The following ITPR2 variants were observed in gnomAD, a reference collection of about 807,000 sequenced individuals.
ITPR2 encodes the protein inositol 1,4,5-trisphosphate receptor type 2.
A neutral mutation model predicts 317.1 loss-of-function variants in ITPR2; 207 were observed. The ratio of observed to expected loss-of-function variants is 0.65; its 90% CI spans 0.58 to 0.73. The LOEUF (loss-of-function observed/expected upper bound fraction) is 0.73, where lower values mean the gene tolerates loss of function less well. Ranked by LOEUF, ITPR2 falls within the 30% of genes least tolerant of loss-of-function variation. The pLI, the probability that ITPR2 is intolerant of heterozygous loss-of-function variation, is 0.00. For missense variants in ITPR2, 2,613 were observed against 3,284.0 expected (o/e 0.80, Z 4.99); for synonymous variants, 1,156 against 1,149.1 (o/e 1.01, Z -0.12).
chr12:26,580,194 A>G, intron 32 of ITPR2, 39 bp from the exon 33 acceptor site: 1 of 1,588,390 alleles, frequency 6.3e-7, no homozygotes, highest in Non-Finnish European at 8.6e-7. Context: ...GTTTTATCAC[A>G]TTTTTAAACC....
intron 44 of ITPR2, 127 bp from the exon 45 acceptor site, chr12:26,475,545 G>T (rs1253448780): frequency 7.3e-6 from 7 of 956,432 alleles, no homozygotes; most frequent in Non-Finnish European, 1.1e-5. Flanking sequence ...AAATGAAAAT[G>T]GCCTTGGAAA....
At chr12:26,655,430 T>C (rs1312819321) in intron 20 of ITPR2, among the ~76,000 whole-genome samples, 3 of 151,586 alleles carry the variant, frequency 2.0e-5, no homozygotes, top group East Asian at 1.9e-4. Flanking sequence ...CCAGCTAACA[T>C]GGTGAAACCC....
intron 2 of ITPR2, among the ~76,000 whole-genome samples, chr12:26,773,366 A>G (rs1347366414): frequency 6.6e-6 from 1 of 152,236 alleles, no homozygotes; most frequent in East Asian, 1.9e-4. Context: ...GAATTTAGAC[A>G]CACAACTCAC....
chr12:26,488,579 C>A (rs977117847), intron 39 of ITPR2, among the ~76,000 whole-genome samples: 2 of 152,172 alleles, frequency 1.3e-5, no homozygotes, highest in Non-Finnish European at 2.9e-5. Flanking sequence ...GGGCAAGCAA[C>A]CCTCAAGAAA....
chr12:26,772,637 T>C (rs1359619159), intron 2 of ITPR2, among the ~76,000 whole-genome samples: 1 of 149,698 alleles, frequency 6.7e-6, no homozygotes, highest in Admixed American at 6.7e-5. Context: ...CTGACTGGTC[T>C]GAACTGTAGC....
At chr12:26,682,804 G>C in intron 11 of ITPR2, 131 bp from the exon 12 acceptor site, 1 of 602,364 alleles carries the variant, frequency 1.7e-6, no homozygotes. Context: ...AGATCCCTCT[G>C]CTTTAAGGGG....
intron 37 of ITPR2, among the ~76,000 whole-genome samples, chr12:26,540,312 T>C (rs973246182): frequency 5.3e-5 from 8 of 152,326 alleles, no homozygotes; most frequent in Non-Finnish European, 8.8e-5. Context: ...ATTAGAATGA[T>C]ATGGAATTAA....
intron 2 of ITPR2, among the ~76,000 whole-genome samples, chr12:26,762,353 A>G (rs1949650820): frequency 6.6e-6 from 1 of 152,216 alleles, no homozygotes; most frequent in South Asian, 2.1e-4. Context: ...GCAACTCATC[A>G]CAAACAAGAA....
chr12:26,342,701 C>G (rs572022499), intron 55 of ITPR2, among the ~76,000 whole-genome samples: 53 of 152,292 alleles, frequency 3.5e-4, no homozygotes, highest in Non-Finnish European at 6.6e-4. Context: ...CCTCCGCCCC[C>G]TGGATTCAAG....
In ITPR2 at chr12:26,621,218, C is replaced by T; in HGVS notation, c.3367G>A (p.Val1123Ile). The part of the protein sequence containing the change: ...KADLDQLRLT[V>I]EKSELWVEKS... ...TCCACCCATAGCTCAGACTTTTCTA[C>T]TGTCAGTCGAAGCTGGTCTAGATCT... is the stretch of plus-strand genomic sequence containing the variant. Residue 1123 changes from valine to isoleucine, a missense_variant, in exon 26 of 57, where the codon GTA becomes ATA. This residue lies in a region of ITPR2 where 817 missense variants were observed against 897.6 expected (regional missense o/e 0.91). Transcript: ENST00000381340. 6.2e-7 allele frequency: 1 copy of T among 1,613,792 alleles called. No homozygotes were observed. The highest frequency in any genetic ancestry group is 8.5e-7 in the Non-Finnish European group (1 of 1,179,724).
chr12:26,602,569 T>G, intron 27 of ITPR2, 48 bp downstream of exon 27: 1 of 1,570,340 alleles, frequency 6.4e-7, no homozygotes, highest in Non-Finnish European at 8.7e-7. Flanking sequence ...CAAAACTTAT[T>G]TGGCATGCAA....
chr12:26,473,745 A>G (rs1465465918), intron 45 of ITPR2, among the ~76,000 whole-genome samples: 1 of 152,116 alleles, frequency 6.6e-6, no homozygotes, highest in Non-Finnish European at 1.5e-5. Flanking sequence ...ACTCACATTC[A>G]ATCTCTAGCC....
At chr12:26,681,650 T>C (rs1299378119) in intron 13 of ITPR2, among the ~76,000 whole-genome samples, 2 of 152,190 alleles carry the variant, frequency 1.3e-5, no homozygotes, top group Non-Finnish European at 2.9e-5. Context: ...ACAACTATTT[T>C]CAAGCAAAGC....
At chr12:26,360,464 C>T (rs779840212) in intron 55 of ITPR2, among the ~76,000 whole-genome samples, 1 of 152,170 alleles carries the variant, frequency 6.6e-6, no homozygotes, top group Non-Finnish European at 1.5e-5. Flanking sequence ...CCCTGAGAGC[C>T]GTTTTTGGCT....
chr12:26,529,051 C>A (rs1464267011), intron 37 of ITPR2, among the ~76,000 whole-genome samples: 1 of 152,180 alleles, frequency 6.6e-6, no homozygotes, highest in African/African-American at 2.4e-5. Context: ...CTACTCTAAG[C>A]CTCCATCATG....
At position 26,336,172 on chromosome 12, in the gene ITPR2, C is replaced by T. The variant is rs975790318; in HGVS notation, c.*3225G>A. Among the ~76,000 whole-genome samples the T allele has an allele frequency of 1.3e-5, 2 of 152,114 alleles. No homozygotes were observed. Among genetic ancestry groups the T allele is most frequent in the Non-Finnish European group, 2.9e-5 (2 of 68,040 alleles). On this transcript the variant is annotated 3_prime_UTR_variant, in exon 57 of 57. Transcript: ENST00000381340. Reference sequence around the variant, plus strand: ...CCTCCTTTTCTCTAATGATAGAGTACTGGGAAGCAGAAATCCCTATCTCCA... The same window carrying T: ...CCTCCTTTTCTCTAATGATAGAGTATTGGGAAGCAGAAATCCCTATCTCCA...
chr12:26,552,189 G>C lies in ITPR2; in HGVS notation c.4965-1834C>G, dbSNP rs142906967. On this transcript the variant is annotated intron_variant, in intron 36 of 56. Coordinates refer to ENST00000381340, the MANE Select transcript of ITPR2 (RefSeq NM_002223.4). Reference sequence around the variant, plus strand: ...TAGGCTAATGTGTGGATGGTGATCAGTTTTTTTTTAATTTATTTAATGAGA... The same window carrying C: ...TAGGCTAATGTGTGGATGGTGATCACTTTTTTTTTAATTTATTTAATGAGA... 1.1e-3 allele frequency among the ~76,000 whole-genome samples: 172 copies of C among 151,474 alleles called. 1 individual carries two copies. In the East Asian group the frequency reaches 0.031, roughly 27 times the overall value.
intron 32 of ITPR2, among the ~76,000 whole-genome samples, chr12:26,589,791 AAAAAAATAAATAAAT>A (rs1199209178): frequency 3.0e-4 from 16 of 53,826 alleles, no homozygotes; most frequent in African/African-American, 7.6e-4. Context: ...TGTTTCAAAA[AAAAAAATAAATAAAT>A]AAAAAATAAA....
At chr12:26,743,534 C>G (rs554245651) in intron 2 of ITPR2, among the ~76,000 whole-genome samples, 5 of 152,084 alleles carry the variant, frequency 3.3e-5, no homozygotes, top group South Asian at 2.1e-4. Context: ...ATCCCTAGAA[C>G]CAAGTTTAGA....
Sources: gnomAD v4.1 joint callset for allele counts (sites outside exome capture counted in the v4.1 genomes callset) on GRCh38, gnomAD v4.1.1 for gene constraint, gnomAD v4.1.1 regional missense constraint, MANE v1.5 for transcripts, NCBI Gene and HGNC (gene_info 2026-07-23, HGNC 2026-07-21) for gene names.